Variants in DPP10 observed in about 807,000 individuals in gnomAD.
DPP10 encodes the protein inactive dipeptidyl peptidase 10.
DPP10 carries 33 observed loss-of-function variants against 120.9 expected under a neutral mutation model. The ratio of observed to expected loss-of-function variants is 0.27; its 90% CI spans 0.21 to 0.37. DPP10 has a LOEUF of 0.37. Among genes scored for constraint, DPP10 ranks in the 10% least tolerant of loss-of-function variants. DPP10 has a pLI of 1.00. For synonymous variants in DPP10, 337 were observed against 326.1 expected (o/e 1.03, Z -0.36); for missense variants, 816 against 942.8 (o/e 0.87, Z 1.76).
chr2:114,508,145 A>G (rs1284552693), intron 1 of DPP10, among the ~76,000 whole-genome samples: 1 of 151,934 alleles, frequency 6.6e-6, no homozygotes, highest in Non-Finnish European at 1.5e-5. Context: ...TTGATGTACA[A>G]TTTGATGGAT....
intron 1 of DPP10, among the ~76,000 whole-genome samples, chr2:115,138,628 T>A (rs891321646): frequency 6.6e-6 from 1 of 152,228 alleles, no homozygotes. Context: ...ATGATTACTA[T>A]GTATTTCATT....
chr2:114,862,134 A>G (rs1344812741), intron 1 of DPP10, among the ~76,000 whole-genome samples: 3 of 152,198 alleles, frequency 2.0e-5, no homozygotes, highest in Non-Finnish European at 2.9e-5. Flanking sequence ...CCACTTCTCA[A>G]TATAACATTA....
intron 1 of DPP10, among the ~76,000 whole-genome samples, chr2:115,184,635 G>A (rs2054305675): frequency 6.6e-6 from 1 of 152,178 alleles, no homozygotes; most frequent in Non-Finnish European, 1.5e-5. Context: ...ATTGGTCTTT[G>A]ACGTTCTTGG....
intron 1 of DPP10, among the ~76,000 whole-genome samples, chr2:114,749,534 T>C (rs987262668): frequency 6.6e-6 from 1 of 150,854 alleles, no homozygotes; most frequent in African/African-American, 2.4e-5. Flanking sequence ...ACAAAGACAC[T>C]TATTCTAGCA....
chr2:115,097,147 C>T (rs942802229), intron 1 of DPP10, among the ~76,000 whole-genome samples: 2 of 150,830 alleles, frequency 1.3e-5, no homozygotes, highest in African/African-American at 4.9e-5. Flanking sequence ...GCCATGTTAT[C>T]AAGACCCAAG....
chr2:115,512,638 A>G (rs902888035), intron 4 of DPP10, among the ~76,000 whole-genome samples: 1 of 150,910 alleles, frequency 6.6e-6, no homozygotes, highest in African/African-American at 2.4e-5. Context: ...GTTGTTATTT[A>G]TTTCTTGATT....
intron 4 of DPP10, among the ~76,000 whole-genome samples, chr2:115,509,689 CACAAA>C (rs913632378): frequency 2.5e-4 from 38 of 152,014 alleles, no homozygotes; most frequent in African/African-American, 8.0e-4. Context: ...AACAAAAGAA[CACAAA>C]ACAAAACAAA....
intron 10 of DPP10, among the ~76,000 whole-genome samples, chr2:115,749,788 G>A (rs757388381): frequency 6.6e-6 from 1 of 152,146 alleles, no homozygotes; most frequent in Non-Finnish European, 1.5e-5. Flanking sequence ...AAATATTTTG[G>A]TGTAAACACA....
chr2:115,802,525 G>T (rs565702998), intron 19 of DPP10, among the ~76,000 whole-genome samples: 1 of 151,934 alleles, frequency 6.6e-6, no homozygotes, highest in South Asian at 2.1e-4. Flanking sequence ...GTGATGTTAG[G>T]GTGTCAATTT....
chr2:115,812,192 A>G (rs1415648621), intron 19 of DPP10, among the ~76,000 whole-genome samples: 2 of 152,208 alleles, frequency 1.3e-5, no homozygotes, highest in East Asian at 3.8e-4. Context: ...TACTCAGCTT[A>G]GTATTCAAAG....
At chr2:115,607,241 G>A (rs192626140) in intron 5 of DPP10, among the ~76,000 whole-genome samples, 179 of 152,206 alleles carry the variant, frequency 1.2e-3, no homozygotes, top group African/African-American at 4.0e-3. Context: ...ATGAGAGACA[G>A]AGTTAATATA....
intron 5 of DPP10, among the ~76,000 whole-genome samples, chr2:115,536,300 T>G (rs947780961): frequency 2.0e-5 from 3 of 152,018 alleles, no homozygotes; most frequent in Non-Finnish European, 2.9e-5. Flanking sequence ...AACATTCCAC[T>G]ATGAACATTG....
intron 1 of DPP10, among the ~76,000 whole-genome samples, chr2:115,123,998 G>A (rs1475816806): frequency 6.6e-6 from 1 of 150,850 alleles, no homozygotes; most frequent in Non-Finnish European, 1.5e-5. Flanking sequence ...TCAGGCTGGA[G>A]TGCAGTAGCC....
chr2:114,807,444 A>C (rs962221185), intron 1 of DPP10, among the ~76,000 whole-genome samples: 1 of 152,204 alleles, frequency 6.6e-6, no homozygotes, highest in African/African-American at 2.4e-5. Flanking sequence ...TGAAATATAC[A>C]ATAAATATTT....
intron 7 of DPP10, among the ~76,000 whole-genome samples, chr2:115,697,875 C>T (rs2149521519): frequency 6.6e-6 from 1 of 152,198 alleles, no homozygotes; most frequent in African/African-American, 2.4e-5. Flanking sequence ...GTCCCAGTTA[C>T]TCTGAAGGCT....
At chr2:114,856,596 G>T (rs1447995960) in intron 1 of DPP10, among the ~76,000 whole-genome samples, 1 of 152,100 alleles carries the variant, frequency 6.6e-6, no homozygotes, top group Non-Finnish European at 1.5e-5. Flanking sequence ...GATTTCACAA[G>T]TATAATATTT....
chr2:114,957,233 A>G (rs1416220673), intron 1 of DPP10, among the ~76,000 whole-genome samples: 1 of 152,050 alleles, frequency 6.6e-6, no homozygotes, highest in East Asian at 1.9e-4. Context: ...CTCAATAACA[A>G]GAAAATAAAT....
chr2:115,355,351 CAT>C (rs1471547492), intron 3 of DPP10, among the ~76,000 whole-genome samples: 1 of 152,020 alleles, frequency 6.6e-6, no homozygotes, highest in Non-Finnish European at 1.5e-5. Context: ...TGGCCGTGTA[CAT>C]GTCTTCTTTC....
At chr2:114,654,480 A>C (rs1300288069) in intron 1 of DPP10, among the ~76,000 whole-genome samples, 2 of 152,192 alleles carry the variant, frequency 1.3e-5, no homozygotes, top group Non-Finnish European at 2.9e-5. Flanking sequence ...CCAGGAGTCC[A>C]AACTATAGAT....
Sources: allele counts gnomAD v4.1 joint callset (sites outside exome capture counted in the v4.1 genomes callset), GRCh38; gene constraint gnomAD v4.1.1; transcripts MANE v1.5; gene names NCBI Gene and HGNC (gene_info 2026-07-23, HGNC 2026-07-21).